Variants in MAF observed in about 807,000 individuals in gnomAD.
The protein encoded by MAF is MAF bZIP transcription factor, also known as transcription factor Maf.
In MAF, 10 loss-of-function variants were observed where a neutral mutation model predicts 22.0. The observed-to-expected ratio is 0.45, with a 90% CI of 0.28 to 0.77. The LOEUF (loss-of-function observed/expected upper bound fraction) is 0.77, where lower values mean the gene tolerates loss of function less well. MAF is among the 30% of genes least tolerant of loss of function. The pLI is 0.12. For synonymous variants in MAF, 337 were observed against 255.8 expected, an observed-to-expected ratio of 1.32 and a Z score of -3.03; for missense variants, 544 against 548.4, an observed-to-expected ratio of 0.99 and a Z score of 0.08.
At chr16:79,340,883 A>C in the MAF span, among the ~76,000 whole-genome samples, 1 of 152,152 alleles carries the variant, frequency 6.6e-6, no homozygotes, top group African/African-American at 2.4e-5. Flanking sequence ...CAAATAACTA[A>C]ATTGCTAAGT....
chr16:79,459,461 G>C, the MAF span, among the ~76,000 whole-genome samples: 1 of 152,060 alleles, frequency 6.6e-6, no homozygotes. Flanking sequence ...CAATTATCTA[G>C]TCCTCTATCA....
chr16:79,435,239 C>T, the MAF span, among the ~76,000 whole-genome samples: 773 of 148,010 alleles, frequency 5.2e-3, 15 homozygotes, highest in East Asian at 4.0e-3. Context: ...AGCACACCTG[C>T]GACTGTGCAC....
chr16:79,522,928 A>G, the MAF span, among the ~76,000 whole-genome samples: 10 of 152,344 alleles, frequency 6.6e-5, no homozygotes, highest in South Asian at 2.1e-4. Flanking sequence ...CTTAGATTTC[A>G]AATTCCAGAG....
the MAF span, among the ~76,000 whole-genome samples, chr16:79,515,281 T>A: frequency 4.8e-4 from 73 of 152,332 alleles, 1 homozygote; most frequent in African/African-American, 1.4e-3. Flanking sequence ...GTGCCACTCA[T>A]CAAAATACAG....
At chr16:79,573,251 G>A in the MAF span, among the ~76,000 whole-genome samples, 19 of 152,212 alleles carry the variant, frequency 1.2e-4, no homozygotes, top group South Asian at 3.9e-3. Flanking sequence ...TTGTGCTTTT[G>A]CTCTGCATAA....
intron 1 of MAF, chr16:79,597,779 C>T: frequency 9.8e-7 from 1 of 1,019,170 alleles, no homozygotes; most frequent in Non-Finnish European, 1.2e-6. Context: ...ATAATTATAC[C>T]ATACATGTCC....
the MAF span, among the ~76,000 whole-genome samples, chr16:79,364,166 T>C: frequency 6.6e-6 from 1 of 152,034 alleles, no homozygotes; most frequent in Admixed American, 6.6e-5. Flanking sequence ...ATACATCCTG[T>C]AGGAGGGAGC....
At chr16:79,448,618 G>A in the MAF span, among the ~76,000 whole-genome samples, 1 of 151,824 alleles carries the variant, frequency 6.6e-6, no homozygotes, top group Non-Finnish European at 1.5e-5. Context: ...GTAGAGACAG[G>A]GTTTCACTAT....
chr16:79,240,404 G>C, the MAF span, among the ~76,000 whole-genome samples: 1 of 139,990 alleles, frequency 7.1e-6, no homozygotes, highest in Non-Finnish European at 1.5e-5. Flanking sequence ...ACCCCTTCAG[G>C]ACCTCTCTAG....
chr16:79,208,710 G>C, the MAF span, among the ~76,000 whole-genome samples: 6 of 151,804 alleles, frequency 4.0e-5, no homozygotes, highest in Non-Finnish European at 8.8e-5. Flanking sequence ...TTTCACTAAT[G>C]TGCCTCAGTC....
chr16:79,496,084 G>A, the MAF span, among the ~76,000 whole-genome samples: 2 of 152,286 alleles, frequency 1.3e-5, no homozygotes, highest in South Asian at 4.1e-4. Flanking sequence ...AGTTAGCTAA[G>A]CTATGCCCAA....
the MAF span, among the ~76,000 whole-genome samples, chr16:79,543,710 G>T: frequency 2.9e-5 from 4 of 139,186 alleles, no homozygotes; most frequent in African/African-American, 1.1e-4. Flanking sequence ...TTTCTGAGAC[G>T]GAGTCTCGCT....
At chr16:79,295,119 A>G in the MAF span, among the ~76,000 whole-genome samples, 1 of 152,110 alleles carries the variant, frequency 6.6e-6, no homozygotes, top group South Asian at 2.1e-4. Context: ...GCTGTCTATA[A>G]ATAAGACAAA....
At chr16:79,212,121 A>G in the MAF span, 49 of 1,533,902 alleles carry the variant, frequency 3.2e-5, no homozygotes, top group African/African-American at 4.7e-4. Flanking sequence ...TTTTACTGTT[A>G]TAGAATAGCC....
the MAF span, among the ~76,000 whole-genome samples, chr16:79,432,102 G>A: frequency 2.6e-5 from 4 of 152,198 alleles, no homozygotes; most frequent in African/African-American, 9.6e-5. Flanking sequence ...GGACTAGGTG[G>A]AGGTAAATGG....
At chr16:79,587,240 C>G (rs139434928) in intron 1 of MAF, among the ~76,000 whole-genome samples, 48 of 152,252 alleles carry the variant, frequency 3.2e-4, no homozygotes, top group African/African-American at 1.1e-3. Flanking sequence ...AAGGTAGAAA[C>G]TACTCGCCTT....
the MAF span, among the ~76,000 whole-genome samples, chr16:79,232,311 G>A: frequency 6.6e-6 from 1 of 151,996 alleles, no homozygotes; most frequent in Non-Finnish European, 1.5e-5. Context: ...ATGAATATAG[G>A]CATGGTTTCT....
the MAF span, among the ~76,000 whole-genome samples, chr16:79,293,605 C>T: frequency 1.4e-4 from 22 of 152,234 alleles, no homozygotes; most frequent in East Asian, 9.7e-4. Context: ...TCAGACCCCA[C>T]GACTTATGTT....
the MAF span, among the ~76,000 whole-genome samples, chr16:79,485,958 G>A: frequency 6.6e-6 from 1 of 152,168 alleles, no homozygotes; most frequent in South Asian, 2.1e-4. Context: ...AACTCTATAA[G>A]GATCTTGCAG....
Sources: allele counts gnomAD v4.1 joint callset (sites outside exome capture counted in the v4.1 genomes callset), GRCh38; gene constraint gnomAD v4.1.1; transcripts MANE v1.5; gene names NCBI Gene and HGNC (gene_info 2026-07-23, HGNC 2026-07-21).